The following KCNMB1 variants were observed in gnomAD, a reference collection of about 807,000 sequenced individuals.
The protein encoded by KCNMB1 is potassium calcium-activated channel subfamily M regulatory beta subunit 1.
KCNMB1 carries 22 observed loss-of-function variants against 21.7 expected under a neutral mutation model. The ratio of observed to expected loss-of-function variants is 1.01; its 90% confidence interval spans 0.72 to 1.45. KCNMB1 has a LOEUF of 1.45. Among genes scored for constraint, KCNMB1 ranks in the 40% most tolerant of loss-of-function variants. The pLI is 0.00. For missense variants in KCNMB1, 243 were observed against 243.4 expected, an observed-to-expected ratio of 1.00 and a Z score of 0.01; for synonymous variants, 114 against 107.6, an observed-to-expected ratio of 1.06 and a Z score of -0.37.
intron 2 of KCNMB1, 76 bp downstream of exon 2, chr5:170,385,237 AG>A: frequency 6.6e-7 from 1 of 1,515,418 alleles, no homozygotes; most frequent in South Asian, 1.1e-5. Context: ...AGGGGTGAGT[AG>A]AAGGCCAGGG....
chr5:170,389,285 G>T lies in KCNMB1; in HGVS notation c.-51C>A, dbSNP rs41275255. ...GTCTTCCCGGCGTCCTGTGGGTCTT[G>T]AGCAGCAGACAGTTTCTTTCTGCCT... On this transcript the variant is annotated 5_prime_UTR_variant, in exon 1 of 4. Coordinates refer to ENST00000274629, the MANE Select transcript of KCNMB1 (RefSeq NM_004137.4). 2,616 of 152,378 alleles carry T rather than the reference G, an allele frequency of 0.017. 37 individuals carry two copies. The highest frequency in any genetic ancestry group is 0.025 in the Non-Finnish European group (1,714 of 68,112). 9.4% of individuals were successfully genotyped at this position (152,378 alleles called of 1,614,324 possible). A position where few individuals can be genotyped will look rare whatever the true frequency, so the allele number is the denominator to read the frequency against.
At chr5:170,381,806 G>A (rs1423706821) in intron 3 of KCNMB1, among the ~76,000 whole-genome samples, 1 of 152,202 alleles carries the variant, frequency 6.6e-6, no homozygotes, top group East Asian at 1.9e-4. Flanking sequence ...ACCAGTTATT[G>A]AAAATTTGTT....
intron 1 of KCNMB1, among the ~76,000 whole-genome samples, chr5:170,388,023 C>A (rs1409588335): frequency 6.7e-6 from 1 of 149,524 alleles, no homozygotes; most frequent in Non-Finnish European, 1.5e-5. Flanking sequence ...AATCAGCCCC[C>A]CCCAGCGCCC....
At chr5:170,386,294 G>C (rs1185262925) in intron 1 of KCNMB1, among the ~76,000 whole-genome samples, 1 of 152,228 alleles carries the variant, frequency 6.6e-6, no homozygotes, top group Non-Finnish European at 1.5e-5. Context: ...ACAGCAATTA[G>C]AGTGATGTGA....
chr5:170,385,426 C>CCAT lies in KCNMB1; in HGVS notation c.19_21dup (p.Met7dup). On this transcript the variant is annotated inframe_insertion, in exon 2 of 4. Coordinates refer to ENST00000274629, the MANE Select transcript of KCNMB1 (RefSeq NM_004137.4). ...GCTCGTGTCTCTCCCCGCTTCTGGG[C>CCAT]CATCACCAGCTTCTTCACCATATTC... 1.2e-6 allele frequency: 2 copies of CCAT among 1,614,114 alleles called. No homozygotes were observed. The highest frequency in any genetic ancestry group is 1.7e-6 in the Non-Finnish European group (2 of 1,180,022).
intron 1 of KCNMB1, among the ~76,000 whole-genome samples, chr5:170,386,134 C>A (rs1213189555): frequency 1.1e-4 from 16 of 142,270 alleles, no homozygotes; most frequent in East Asian, 1.1e-3. Flanking sequence ...AAAAAAAAAA[C>A]AAAAAACAAA....
At chr5:170,383,935 G>A (rs1367800636) in intron 2 of KCNMB1, 85 bp from the exon 3 acceptor site, 3 of 1,403,048 alleles carry the variant, frequency 2.1e-6, no homozygotes, top group Non-Finnish European at 1.9e-6. Flanking sequence ...TATCCCCTGG[G>A]AGCCTCTAGA....
chr5:170,388,729 C>G (rs781389015), intron 1 of KCNMB1, among the ~76,000 whole-genome samples: 11 of 152,188 alleles, frequency 7.2e-5, no homozygotes, highest in Non-Finnish European at 1.5e-4. Flanking sequence ...CAAATCCTGG[C>G]TCTGCCACTT....
At chr5:170,383,403 G>T in intron 3 of KCNMB1, 1 of 600,234 alleles carries the variant, frequency 1.7e-6, no homozygotes, top group Non-Finnish European at 3.0e-6. Context: ...GCTCTTCAAG[G>T]TGCAGCATTA....
chr5:170,385,417 G>C lies in KCNMB1; in HGVS notation c.31C>G (p.Arg11Gly). The change falls in exon 2 of 4, where the codon CGG becomes GGG. Residue 11 changes from arginine (R) to glycine (G), a missense_variant. Transcript: ENST00000274629. The part of the protein sequence containing the change: MVKKLVMAQK[R>G]GETRALCLGV... ...AGGCAAAGGGCTCGTGTCTCTCCCC[G>C]CTTCTGGGCCATCACCAGCTTCTTC... 2 of 1,614,050 alleles carry C rather than the reference G, an allele frequency of 1.2e-6. No homozygotes were observed. The highest frequency in any genetic ancestry group is 1.7e-6 in the Non-Finnish European group (2 of 1,180,004).
At chr5:170,382,927 G>A (rs1253517278) in intron 3 of KCNMB1, 1 of 145,502 alleles carries the variant, frequency 6.9e-6, no homozygotes, top group African/African-American at 2.6e-5. Flanking sequence ...AATGAGAGGA[G>A]GAAAGAAGGA....
Position 170,378,626 on chromosome 5 carries a change from G to A in KCNMB1, c.*78C>T, listed in dbSNP as rs2656842. On this transcript the variant is annotated 3_prime_UTR_variant, in exon 4 of 4. Coordinates refer to ENST00000274629, the MANE Select transcript of KCNMB1 (RefSeq NM_004137.4). ...GGAGGGCAGGTGGAGAAGGCATTGT[G>A]CTGCAAGTGGGGAGCAGCCCTGGGG... The A allele has an allele frequency of 2.8e-5, 41 of 1,438,790 alleles. No individual in the cohort carries two copies. The South Asian group carries it at 5.6e-4, about 20-fold the overall frequency. The allele number at this position is 1,438,790 out of a possible 1,614,324, so 89.1% of individuals were successfully genotyped here. A position where few individuals can be genotyped will look rare whatever the true frequency, so the allele number is the denominator to read the frequency against.
chr5:170,383,700 G>A lies in KCNMB1; in HGVS notation c.285C>T (p.Asp95=). The change falls in exon 3 of 4, where the codon GAC becomes GAT. Residue 95 remains aspartate, a synonymous_variant. Coordinates refer to ENST00000274629, the MANE Select transcript of KCNMB1 (RefSeq NM_004137.4). The part of the protein sequence containing the change: ...GRWAVLYHTE[D]TRDQNQQCSY... ...GTACCTGCTGGTTCTGGTCCCGAGT[G>A]TCCTCCGTGTGGTACAGCACAGCCC... The A allele has an allele frequency of 6.2e-7, 1 of 1,614,154 alleles. No individual in the cohort carries two copies. Among genetic ancestry groups the A allele is most frequent in the South Asian group, 1.1e-5 (1 of 91,066 alleles).
rs1764062190 is a variant in KCNMB1, at chr5:170,377,682, C to T, written c.*1022G>A. On this transcript the variant is annotated 3_prime_UTR_variant, in exon 4 of 4. Coordinates refer to ENST00000274629, the MANE Select transcript of KCNMB1 (RefSeq NM_004137.4). ...CCGAACCCCGGGTTCACGCCATTCT[C>T]CTGCCTCAGCCTCCTGAGTAGCTGG... 1 of 152,108 alleles carries T rather than the reference C, an allele frequency of 6.6e-6. No individual in the cohort carries two copies. The highest frequency in any genetic ancestry group is 1.5e-5 in the Non-Finnish European group (1 of 68,068). The allele number at this position is 152,108 out of a possible 1,614,324, so 9.4% of individuals were successfully genotyped here.
chr5:170,383,742 C>T lies in KCNMB1; in HGVS notation c.243G>A (p.Val81=). 6.2e-7 allele frequency: 1 copy of T among 1,614,194 alleles called. No individual in the cohort carries two copies. Among genetic ancestry groups the T allele is most frequent in the Non-Finnish European group, 8.5e-7 (1 of 1,180,032 alleles). Residue 81 remains valine (V), a synonymous_variant, in exon 3 of 4, where the codon GTG becomes GTA. Coordinates refer to ENST00000274629, the MANE Select transcript of KCNMB1 (RefSeq NM_004137.4). ...GCACAGCCCACCTGCCGGCAGCTGA[C>T]ACGTTGACCCACAGGCATGGGTACT... The part of the protein sequence containing the change: ...VPQYPCLWVN[V]SAAGRWAVLY...
chr5:170,386,008 C>T lies in KCNMB1; in HGVS notation c.-24-537G>A, dbSNP rs567089078. 1.6e-3 allele frequency among the ~76,000 whole-genome samples: 240 copies of T among 151,736 alleles called. 1 individual carries two copies. The highest frequency in any genetic ancestry group is 5.5e-3 in the African/African-American group (228 of 41,408). Reference sequence around the variant, plus strand: ...GGGTGTGGTCGTGGGAGCCAGTAGTCCCAGCTACAGGGGAGGCTGAGGCAG... The same window carrying T: ...GGGTGTGGTCGTGGGAGCCAGTAGTTCCAGCTACAGGGGAGGCTGAGGCAG... On this transcript the variant is annotated intron_variant, in intron 1 of 3. Coordinates refer to ENST00000274629, the MANE Select transcript of KCNMB1 (RefSeq NM_004137.4).
chr5:170,385,631 T>G (rs924957206), intron 1 of KCNMB1, among the ~76,000 whole-genome samples, 160 bp from the exon 2 acceptor site: 1 of 152,036 alleles, frequency 6.6e-6, no homozygotes, highest in Non-Finnish European at 1.5e-5. Flanking sequence ...TTGGACCCCA[T>G]GTAAGCCTTC....
intron 1 of KCNMB1, among the ~76,000 whole-genome samples, chr5:170,388,656 T>C (rs1764585167): frequency 6.6e-6 from 1 of 152,024 alleles, no homozygotes; most frequent in Admixed American, 6.6e-5. Context: ...AGGAATAGAG[T>C]ACATTGTTGA....
At chr5:170,386,360 C>A (rs1438013462) in intron 1 of KCNMB1, among the ~76,000 whole-genome samples, 1 of 152,158 alleles carries the variant, frequency 6.6e-6, no homozygotes, top group Non-Finnish European at 1.5e-5. Context: ...ATGGCTCATC[C>A]CCCACGGCCA....
Sources: allele counts gnomAD v4.1 joint callset (sites outside exome capture counted in the v4.1 genomes callset), GRCh38; gene constraint gnomAD v4.1.1; transcripts MANE v1.5; gene names NCBI Gene and HGNC (gene_info 2026-07-23, HGNC 2026-07-21).